APH1B: variants seen among roughly 807,000 people sequenced by gnomAD.
The protein encoded by APH1B is gamma-secretase subunit APH-1B.
In APH1B, 27 loss-of-function variants were observed where a neutral mutation model predicts 28.2. The observed-to-expected ratio is 0.96, with a 90% confidence interval of 0.70 to 1.32. The LOEUF is 1.32. Ranked by LOEUF, APH1B falls within the 40% of genes most tolerant of loss-of-function variation. The pLI is 0.00. For missense variants in APH1B, 305 were observed against 313.6 expected, an observed-to-expected ratio of 0.97 and a Z score of 0.21; for synonymous variants, 141 against 124.6, an observed-to-expected ratio of 1.13 and a Z score of -0.88.
In APH1B at chr15:63,279,150, G is replaced by T; in HGVS notation, c.114-11G>T. 2 of 1,541,978 alleles carry T rather than the reference G, an allele frequency of 1.3e-6. No individual in the cohort carries two copies. The highest frequency in any genetic ancestry group is 1.8e-6 in the Non-Finnish European group (2 of 1,137,506). On this transcript the variant is annotated splice_polypyrimidine_tract_variant and intron_variant, in intron 1 of 5. Coordinates refer to ENST00000261879, the MANE Select transcript of APH1B (RefSeq NM_031301.4). ...ATGTTCACTTGTAACTTTTTTTCCC[G>T]TATTTTTCAGAGCTTTCTTCTGGTT...
At chr15:63,277,780 C>T (rs1425406130) in intron 1 of APH1B, 44 bp downstream of exon 1, 5 of 1,576,682 alleles carry the variant, frequency 3.2e-6, no homozygotes, top group South Asian at 2.2e-5. Flanking sequence ...GGGCTCCCCT[C>T]CCCCGCTGGG....
Position 63,302,330 on chromosome 15 carries a change from T to C in APH1B, c.479-15T>C. 6.2e-7 allele frequency: 1 copy of C among 1,613,044 alleles called. No homozygotes were observed. Among genetic ancestry groups the C allele is most frequent in the Non-Finnish European group, 8.5e-7 (1 of 1,179,568 alleles). ...ATACCTGTAGGAGTGACACTAATGG[T>C]CGGCTCTCTTTCAGCTTTCATGACG... On this transcript the variant is annotated splice_polypyrimidine_tract_variant and intron_variant, in intron 4 of 5. Transcript: ENST00000261879.
In APH1B at chr15:63,303,848, C is replaced by T. The variant is rs372241444; in HGVS notation, c.606+1376C>T. 2.1e-5 allele frequency among the ~76,000 whole-genome samples: 3 copies of T among 145,486 alleles called. No homozygotes were observed. The Admixed American group carries it at 2.2e-4, about 11-fold the overall frequency. ...GCTGTGAACGTTCTAATGTATATCT[C>T]TTGGTGAACACACACACACACACAC... On this transcript the variant is annotated intron_variant, in intron 5 of 5. Transcript: ENST00000261879.
intron 3 of APH1B, among the ~76,000 whole-genome samples, 185 bp downstream of exon 3, chr15:63,286,813 G>A (rs1326161824): frequency 1.3e-5 from 2 of 152,160 alleles, no homozygotes; most frequent in African/African-American, 2.4e-5. Context: ...GATTGCAAGT[G>A]ACCCTTACCT....
intron 4 of APH1B, among the ~76,000 whole-genome samples, chr15:63,293,758 AGT>A (rs1192387086): frequency 6.6e-6 from 1 of 151,912 alleles, no homozygotes; most frequent in East Asian, 1.9e-4. Flanking sequence ...GGCCTTCCAA[AGT>A]GTGGCCTATT....
At position 63,306,095 on chromosome 15, in the gene APH1B, T is replaced by C; in HGVS notation, c.*314T>C. The C allele has an allele frequency of 4.1e-6, 1 of 243,958 alleles. No homozygotes were observed. Among genetic ancestry groups the C allele is most frequent in the Admixed American group, 5.1e-5 (1 of 19,502 alleles). 15.1% of individuals were successfully genotyped at this position (243,958 alleles called of 1,614,324 possible). A position where few individuals can be genotyped will look rare whatever the true frequency, so the allele number is the denominator to read the frequency against. ...CAGGTGATTCTGATGTGCAGCCATG[T>C]TGAGACCCACTGGTTTGGTATCCAA... is the stretch of plus-strand genomic sequence containing the variant. On this transcript the variant is annotated 3_prime_UTR_variant, in exon 6 of 6. Transcript: ENST00000261879.
chr15:63,296,658 CT>C (rs753821606), intron 4 of APH1B, among the ~76,000 whole-genome samples: 249 of 137,408 alleles, frequency 1.8e-3, no homozygotes, highest in Middle Eastern at 3.8e-3. Context: ...AATGTTGTTT[CT>C]TTTTTTTTTT....
At chr15:63,302,637 C>T (rs2038644964) in intron 5 of APH1B, 165 bp downstream of exon 5, 2 of 905,292 alleles carry the variant, frequency 2.2e-6, no homozygotes, top group East Asian at 6.2e-5. Flanking sequence ...CACAAAAAGA[C>T]CACCACTATT....
At chr15:63,292,499 C>T (rs764374810) in intron 4 of APH1B, among the ~76,000 whole-genome samples, 1 of 152,154 alleles carries the variant, frequency 6.6e-6, no homozygotes, top group African/African-American at 2.4e-5. Context: ...AAGTGATCCT[C>T]CCACTCAGCC....
At chr15:63,289,179 G>A (rs2038477852) in intron 4 of APH1B, among the ~76,000 whole-genome samples, 1 of 152,104 alleles carries the variant, frequency 6.6e-6, no homozygotes, top group Non-Finnish European at 1.5e-5. Flanking sequence ...TTATAAATTT[G>A]TATCTATAGA....
At chr15:63,293,561 G>A (rs1256855116) in intron 4 of APH1B, among the ~76,000 whole-genome samples, 3 of 151,118 alleles carry the variant, frequency 2.0e-5, no homozygotes, top group Admixed American at 6.6e-5. Flanking sequence ...GCAGTGGCAC[G>A]ATCTTGGCTC....
At chr15:63,298,123 G>A (rs1012705102) in intron 4 of APH1B, among the ~76,000 whole-genome samples, 4 of 152,308 alleles carry the variant, frequency 2.6e-5, no homozygotes, top group Middle Eastern at 3.4e-3. Flanking sequence ...TGATGAAAGA[G>A]GGGAGGAAGA....
At chr15:63,296,761 G>A (rs1033345120) in intron 4 of APH1B, among the ~76,000 whole-genome samples, 2 of 149,732 alleles carry the variant, frequency 1.3e-5, no homozygotes, top group African/African-American at 2.5e-5. Flanking sequence ...GGGTTCGAGC[G>A]ATTCTCCTGC....
At chr15:63,284,295 C>G (rs1432394414) in intron 2 of APH1B, among the ~76,000 whole-genome samples, 10 of 150,988 alleles carry the variant, frequency 6.6e-5, no homozygotes, top group Admixed American at 6.6e-4. Context: ...CTCACTGCAG[C>G]CTCCACCTCC....
At chr15:63,277,904 C>G (rs1018520036) in intron 1 of APH1B, 168 bp downstream of exon 1, 1 of 675,078 alleles carries the variant, frequency 1.5e-6, no homozygotes, top group Non-Finnish European at 2.4e-6. Context: ...GCGCCTCGCC[C>G]TCTTAGGAAG....
intron 4 of APH1B, among the ~76,000 whole-genome samples, chr15:63,299,639 C>T (rs2038603487): frequency 6.6e-6 from 1 of 151,970 alleles, no homozygotes; most frequent in Admixed American, 6.6e-5. Context: ...CTCCTGACCT[C>T]GTGATACTCC....
intron 4 of APH1B, among the ~76,000 whole-genome samples, chr15:63,288,090 A>G (rs1268733151): frequency 6.6e-6 from 1 of 152,248 alleles, no homozygotes; most frequent in Non-Finnish European, 1.5e-5. Flanking sequence ...GGTAGCGTAC[A>G]TAATTAACAT....
intron 2 of APH1B, among the ~76,000 whole-genome samples, chr15:63,279,796 CTTTTT>C (rs61114269): frequency 7.2e-6 from 1 of 137,950 alleles, no homozygotes; most frequent in Non-Finnish European, 1.6e-5. Context: ...TAAGTTAATT[CTTTTT>C]TTTTTTTTTT....
chr15:63,282,692 T>A (rs945633147), intron 2 of APH1B, among the ~76,000 whole-genome samples: 2 of 152,220 alleles, frequency 1.3e-5, no homozygotes, highest in Non-Finnish European at 2.9e-5. Context: ...GATGGAAACT[T>A]TTGTAATTTA....
Sources: allele counts gnomAD v4.1 joint callset (sites outside exome capture counted in the v4.1 genomes callset), GRCh38; gene constraint gnomAD v4.1.1; transcripts MANE v1.5; gene names NCBI Gene and HGNC (gene_info 2026-07-23, HGNC 2026-07-21).